SEPTIN9: variants seen among roughly 807,000 people sequenced by gnomAD.
SEPTIN9 encodes the protein septin-9.
Under a neutral mutation model 56.6 loss-of-function variants are expected in SEPTIN9, and 13 were observed. The observed-to-expected ratio is 0.23, with a 90% CI of 0.15 to 0.37. SEPTIN9 has a LOEUF of 0.37. Ranked by LOEUF, SEPTIN9 falls within the 10% of genes least tolerant of loss-of-function variation. The probability of loss-of-function intolerance (pLI) is 1.00; values close to 1 mark genes in which losing one functional copy is unlikely to be tolerated. For missense variants in SEPTIN9, 650 were observed against 823.1 expected (o/e 0.79, Z 2.57); for synonymous variants, 332 against 334.1 (o/e 0.99, Z 0.07).
At chr17:77,312,068 A>G (rs1259218785) in intron 2 of SEPTIN9, among the ~76,000 whole-genome samples, 1 of 152,246 alleles carries the variant, frequency 6.6e-6, no homozygotes, top group East Asian at 1.9e-4. Flanking sequence ...CGCCCTCTGC[A>G]TACTGACCCT....
chr17:77,332,157 G>A (rs1191453410), intron 2 of SEPTIN9, among the ~76,000 whole-genome samples: 1 of 152,042 alleles, frequency 6.6e-6, no homozygotes, highest in Non-Finnish European at 1.5e-5. Flanking sequence ...CAGGCTTGGA[G>A]TCCCAGCTAC....
intron 1 of SEPTIN9, among the ~76,000 whole-genome samples, chr17:77,293,400 G>A (rs957963574): frequency 6.6e-6 from 1 of 152,064 alleles, no homozygotes; most frequent in Non-Finnish European, 1.5e-5. Flanking sequence ...GGGTTTATGT[G>A]ATCCTCCTGC....
chr17:77,424,523 C>T (rs143937502), intron 3 of SEPTIN9, among the ~76,000 whole-genome samples: 2 of 152,286 alleles, frequency 1.3e-5, no homozygotes, highest in East Asian at 1.9e-4. Flanking sequence ...GGGCCCAATA[C>T]CTTGACCTTC....
chr17:77,294,378 C>T (rs2031710285), intron 1 of SEPTIN9: 1 of 152,622 alleles, frequency 6.6e-6, no homozygotes, highest in Admixed American at 6.5e-5. Flanking sequence ...CAAGATCGTG[C>T]CATTGCACTC....
At chr17:77,467,524 C>A (rs1438968130) in intron 3 of SEPTIN9, among the ~76,000 whole-genome samples, 1 of 38 alleles carries the variant, frequency 0.026, no homozygotes, top group Admixed American at 0.25. Context: ...CACTCCACTC[C>A]CCTCCCACCG....
chr17:77,341,743 C>A lies in SEPTIN9; in HGVS notation c.76+34546C>A, dbSNP rs1351604472. On this transcript the variant is annotated intron_variant, in intron 2 of 11. Transcript: ENST00000427177. Reference sequence around the variant, plus strand: ...TGAGCCGAGATCACACCACTGCACTCCACTGCACTCCAGCCTGGGCAACAG... The same window carrying A: ...TGAGCCGAGATCACACCACTGCACTACACTGCACTCCAGCCTGGGCAACAG... Among the ~76,000 whole-genome samples the A allele has an allele frequency of 4.1e-5, 6 of 144,764 alleles. No individual in the cohort carries two copies. The South Asian group carries it at 1.3e-3, about 32-fold the overall frequency. 95.0% of individuals were successfully genotyped at this position (144,764 alleles called of 152,430 possible).
chr17:77,445,064 C>T lies in SEPTIN9; in HGVS notation c.722-37080C>T. On this transcript the variant is annotated intron_variant, in intron 3 of 11. Coordinates refer to ENST00000427177, the MANE Select transcript of SEPTIN9 (RefSeq NM_001113491.2). The surrounding 1 kb of genome is among the most constrained non-coding windows in gnomAD (Gnocchi z 4.7). ...GCTGCGCTGCCTCACAGAAAATGTG[C>T]AGAGGCCCCTCTGTCCCACCATGCC... 2.5e-6 allele frequency: 1 copy of T among 401,538 alleles called. No individual in the cohort carries two copies. Among genetic ancestry groups the T allele is most frequent in the Non-Finnish European group, 5.2e-6 (1 of 192,702 alleles). The allele number at this position is 401,538 out of a possible 1,614,324, so 24.9% of individuals were successfully genotyped here.
intron 2 of SEPTIN9, chr17:77,374,780 A>G (rs2034859772): frequency 6.6e-6 from 1 of 152,382 alleles, no homozygotes; most frequent in Non-Finnish European, 1.5e-5. Context: ...GGGGGACCAG[A>G]ACTTTGGCTG....
chr17:77,455,675 GTC>G lies in SEPTIN9; in HGVS notation c.722-26459_722-26458del, dbSNP rs1291566293. Among the ~76,000 whole-genome samples the G allele has an allele frequency of 4.6e-5, 7 of 152,234 alleles. No homozygotes were observed. The East Asian group carries it at 1.4e-3, about 29-fold the overall frequency. On this transcript the variant is annotated intron_variant, in intron 3 of 11. Coordinates refer to ENST00000427177, the MANE Select transcript of SEPTIN9 (RefSeq NM_001113491.2). ...CCCAGCGGGCGGGGTTGATGGTGCCGTCTCTCTCTCTGTCACTAGAACGGACA... is the reference window on the plus strand; with the variant it reads ...CCCAGCGGGCGGGGTTGATGGTGCCGTCTCTCTCTGTCACTAGAACGGACA...
chr17:77,349,355 G>A (rs987347171), intron 2 of SEPTIN9, among the ~76,000 whole-genome samples: 5 of 152,190 alleles, frequency 3.3e-5, no homozygotes, highest in Non-Finnish European at 7.3e-5. Context: ...GACCTCAAGT[G>A]ATCTGCCTGC....
chr17:77,494,229 AC>A (rs2040159392), intron 10 of SEPTIN9, among the ~76,000 whole-genome samples: 1 of 152,220 alleles, frequency 6.6e-6, no homozygotes, highest in East Asian at 1.9e-4. Flanking sequence ...CTGGACCTTG[AC>A]CATGTCTTTG....
At chr17:77,373,695 T>C (rs2143916452) in intron 2 of SEPTIN9, 1 of 1,358,396 alleles carries the variant, frequency 7.4e-7, no homozygotes, top group Non-Finnish European at 9.5e-7. Flanking sequence ...GCCCTCCCGC[T>C]GAGAGCGCCG....
At chr17:77,486,689 G>A (rs1437650746) in intron 4 of SEPTIN9, among the ~76,000 whole-genome samples, 1 of 152,066 alleles carries the variant, frequency 6.6e-6, no homozygotes, top group Non-Finnish European at 1.5e-5. Context: ...TGTGAGTTGT[G>A]TGTGTTGTGT....
chr17:77,499,605 G>A lies in SEPTIN9; in HGVS notation c.*947G>A, dbSNP rs932282798. 11 of 437,138 alleles carry A rather than the reference G, an allele frequency of 2.5e-5. No homozygotes were observed. The East Asian group carries it at 4.0e-4, about 16-fold the overall frequency. 27.1% of individuals were successfully genotyped at this position (437,138 alleles called of 1,614,324 possible). The stretch of plus-strand genomic sequence containing the variant: ...TGGCTTGGGCTGGTCAGAGTGGCGT[G>A]AGCTGCCCGGCGCCTGCCCTGCCCA... On this transcript the variant is annotated 3_prime_UTR_variant, in exon 12 of 12. Transcript: ENST00000427177.
rs577131369 is a variant in SEPTIN9 at position 77,346,278 on chromosome 17, C to CTTTTTTTTTTTTTTTTTTTTTT, written c.76+39089_76+39110dup. Among the ~76,000 whole-genome samples the CTTTTTTTTTTTTTTTTTTTTTT allele has an allele frequency of 8.0e-4, 37 of 46,318 alleles. 2 individuals carry two copies. Among genetic ancestry groups the CTTTTTTTTTTTTTTTTTTTTTT allele is most frequent in the Middle Eastern group, 0.05 (2 of 40 alleles). 30.4% of individuals were successfully genotyped at this position (46,318 alleles called of 152,430 possible). ...AGATTCTTAAAGCAGATCCTTAGGTCTTTTTTTTTTTTTTTTTTTTTTTTT... is the reference window on the plus strand; with the variant it reads ...AGATTCTTAAAGCAGATCCTTAGGTCTTTTTTTTTTTTTTTTTTTTTTTTTTTTTTTTTTTTTTTTTTTTTTT... On this transcript the variant is annotated intron_variant, in intron 2 of 11. Coordinates refer to ENST00000427177, the MANE Select transcript of SEPTIN9 (RefSeq NM_001113491.2).
chr17:77,311,613 A>G (rs1195025126), intron 2 of SEPTIN9, among the ~76,000 whole-genome samples: 4 of 152,190 alleles, frequency 2.6e-5, no homozygotes, highest in Non-Finnish European at 5.9e-5. Flanking sequence ...AACTCTCCTG[A>G]CAATTGGCTG....
At chr17:77,360,596 G>A (rs1291821104) in intron 2 of SEPTIN9, among the ~76,000 whole-genome samples, 3 of 149,400 alleles carry the variant, frequency 2.0e-5, no homozygotes, top group African/African-American at 5.0e-5. Context: ...ACGGAGTCTC[G>A]CTCTGTCGCC....
chr17:77,431,733 G>A (rs1254203961), intron 3 of SEPTIN9, among the ~76,000 whole-genome samples: 1 of 151,826 alleles, frequency 6.6e-6, no homozygotes, highest in African/African-American at 2.4e-5. Flanking sequence ...AGGAGGCTGA[G>A]GCAGGAGAAT....
rs941919064 is a variant in SEPTIN9 at position 77,310,407 on chromosome 17, T to C, written c.76+3210T>C. Among the ~76,000 whole-genome samples, 1 of 152,214 alleles carries C rather than the reference T, an allele frequency of 6.6e-6. No homozygotes were observed. Among genetic ancestry groups the C allele is most frequent in the African/African-American group, 2.4e-5 (1 of 41,458 alleles). On this transcript the variant is annotated intron_variant, in intron 2 of 11. Transcript: ENST00000427177. This position sits in a 1 kb window ranked among gnomAD's most constrained non-coding sequence, Gnocchi z 4.7. ...CTGGAGTCAGTGGCTGCCCTGCCTG[T>C]GCCCACAACGTGACGGCGTGGAGAC...
Sources: gnomAD v4.1 joint callset for allele counts (sites outside exome capture counted in the v4.1 genomes callset) on GRCh38, gnomAD v4.1.1 for gene constraint, Gnocchi (gnomAD v3.1) non-coding constraint, MANE v1.5 for transcripts, NCBI Gene and HGNC (gene_info 2026-07-23, HGNC 2026-07-21) for gene names.